SEPTIN6: variants seen among roughly 807,000 people sequenced by gnomAD.
SEPTIN6 encodes septin 6.
SEPTIN6 carries 8 observed loss-of-function variants against 33.6 expected under a neutral mutation model. That is an observed-to-expected ratio of 0.24 (90% CI 0.14 to 0.43). The LOEUF (loss-of-function observed/expected upper bound fraction) is 0.43. Among genes scored for constraint, SEPTIN6 ranks in the 20% least tolerant of loss-of-function variants. The pLI is 1.00. For missense variants in SEPTIN6, 250 were observed against 340.8 expected, an observed-to-expected ratio of 0.73 and a Z score of 2.10; for synonymous variants, 131 against 140.0, an observed-to-expected ratio of 0.94 and a Z score of 0.45.
chrX:119,682,460 C>T (rs187092285), intron 1 of SEPTIN6, among the ~76,000 whole-genome samples: 58 of 111,162 alleles, frequency 5.2e-4, no homozygotes, highest in Middle Eastern at 4.6e-3. Context: ...CTCCCCTCCC[C>T]AATTACATTT....
chrX:119,652,771 AT>A (rs1446278155), intron 4 of SEPTIN6, 82 bp downstream of exon 4: 2 of 834,599 alleles, frequency 2.4e-6, no homozygotes, highest in African/African-American at 4.1e-5. Context: ...GATGCCACAA[AT>A]CTCTCCCGGA....
intron 6 of SEPTIN6, among the ~76,000 whole-genome samples, chrX:119,637,635 A>G (rs1454859144): frequency 1.0e-5 from 1 of 98,436 alleles, no homozygotes; most frequent in Non-Finnish European, 2.1e-5. Context: ...CCATCCATCC[A>G]CTCATCCATC....
intron 1 of SEPTIN6, among the ~76,000 whole-genome samples, chrX:119,688,120 G>A (rs1238324036): frequency 8.9e-6 from 1 of 111,815 alleles, no homozygotes; most frequent in Non-Finnish European, 1.9e-5. Flanking sequence ...AAAAGTGGGT[G>A]AATTGGCAAA....
chrX:119,690,666 T>C (rs2055154935), intron 1 of SEPTIN6, among the ~76,000 whole-genome samples: 1 of 92,569 alleles, frequency 1.1e-5, no homozygotes, highest in Non-Finnish European at 2.0e-5. Flanking sequence ...GAGGTTGCAG[T>C]GAGCCGAGAT....
intron 1 of SEPTIN6, among the ~76,000 whole-genome samples, chrX:119,691,685 A>G (rs189273256): frequency 1.2e-3 from 136 of 112,691 alleles, no homozygotes; most frequent in Non-Finnish European, 2.4e-3. Flanking sequence ...TATTCTGTAG[A>G]GAAAATATTA....
chrX:119,654,700 CTT>C (rs111298829), intron 3 of SEPTIN6, among the ~76,000 whole-genome samples: 1 of 110,423 alleles, frequency 9.1e-6, no homozygotes, highest in African/African-American at 3.3e-5. Context: ...AGAGAAAAAT[CTT>C]TTTTTTTAAG....
In SEPTIN6 at chrX:119,618,033, G is replaced by A. The variant is rs1603316251; in HGVS notation, c.*2060C>T. 5.0e-6 allele frequency: 4 copies of A among 803,952 alleles called. No homozygotes were observed. Among genetic ancestry groups the A allele is most frequent in the African/African-American group, 2.2e-5 (1 of 45,475 alleles). 66.3% of individuals were successfully genotyped at this position (803,952 alleles called of 1,213,427 possible). On this transcript the variant is annotated 3_prime_UTR_variant, in exon 11 of 11. Coordinates refer to ENST00000394610, the MANE Select transcript of SEPTIN6 (RefSeq NM_145799.4). ...GTGGTTACCGGTTGGTTGTTTAAGCGTGAATTTCTGGGAAAGCAGCTCTGA... is the reference window on the plus strand; with the variant it reads ...GTGGTTACCGGTTGGTTGTTTAAGCATGAATTTCTGGGAAAGCAGCTCTGA...
intron 6 of SEPTIN6, 77 bp downstream of exon 6, chrX:119,640,615 A>G (rs1284686858): frequency 1.2e-6 from 1 of 833,718 alleles, no homozygotes; most frequent in Non-Finnish European, 1.8e-6. Flanking sequence ...GAAACTTGTC[A>G]TATAGTGGCT....
intron 3 of SEPTIN6, 94 bp downstream of exon 3, chrX:119,663,388 A>T (rs2054579301): frequency 2.6e-6 from 2 of 771,163 alleles, no homozygotes; most frequent in Admixed American, 6.0e-5. Context: ...CTTGGGCCCG[A>T]TATCTGTGCT....
chrX:119,684,482 G>GTTTTT (rs1199777223), intron 1 of SEPTIN6, among the ~76,000 whole-genome samples: 11 of 79,433 alleles, frequency 1.4e-4, no homozygotes, highest in East Asian at 4.6e-4. Flanking sequence ...GTTCCCAGAG[G>GTTTTT]TTTTTTTTTT....
At chrX:119,683,517 A>G (rs1290967532) in intron 1 of SEPTIN6, among the ~76,000 whole-genome samples, 1 of 112,601 alleles carries the variant, frequency 8.9e-6, no homozygotes, top group African/African-American at 3.2e-5. Context: ...GGAAATGCTC[A>G]CCAAAGGCAA....
At chrX:119,641,975 T>G (rs916298198) in intron 5 of SEPTIN6, among the ~76,000 whole-genome samples, 4 of 111,692 alleles carry the variant, frequency 3.6e-5, no homozygotes, top group African/African-American at 1.3e-4. Flanking sequence ...TGAGCTCCTA[T>G]GATATGTGCT....
At chrX:119,672,632 G>C (rs1042841991) in intron 2 of SEPTIN6, among the ~76,000 whole-genome samples, 1 of 112,447 alleles carries the variant, frequency 8.9e-6, no homozygotes, top group African/African-American at 3.2e-5. Flanking sequence ...AAGGGACTCT[G>C]ATATGTTTGT....
chrX:119,626,811 T>C (rs749569332), intron 9 of SEPTIN6, among the ~76,000 whole-genome samples: 46 of 110,586 alleles, frequency 4.2e-4, no homozygotes, highest in Middle Eastern at 4.6e-3. Context: ...CTTAGCCTCC[T>C]GAGTAGCTGG....
intron 8 of SEPTIN6, among the ~76,000 whole-genome samples, chrX:119,632,439 G>A (rs7054787): frequency 0.15 from 16,122 of 105,915 alleles, 2,044 homozygotes; most frequent in African/African-American, 0.42. Flanking sequence ...CTTGTGATCC[G>A]CCCGCCTTGG....
At chrX:119,651,274 T>C (rs1259484244) in intron 4 of SEPTIN6, among the ~76,000 whole-genome samples, 2 of 112,125 alleles carry the variant, frequency 1.8e-5, no homozygotes, top group Non-Finnish European at 3.8e-5. Flanking sequence ...GGCACCTCCC[T>C]TGAAGTCTTT....
chrX:119,624,974 G>T (rs1349780365), intron 10 of SEPTIN6, among the ~76,000 whole-genome samples: 2 of 111,474 alleles, frequency 1.8e-5, no homozygotes, highest in African/African-American at 3.3e-5. Flanking sequence ...GCCTACCAAA[G>T]TGCTGGGATT....
intron 9 of SEPTIN6, among the ~76,000 whole-genome samples, chrX:119,628,116 CTTTCT>C (rs1056948918): frequency 9.4e-6 from 1 of 106,173 alleles, no homozygotes; most frequent in Non-Finnish European, 1.9e-5. Flanking sequence ...TTGTTCCTCT[CTTTCT>C]TTTCTATTTT....
At chrX:119,689,028 C>T (rs748670588) in intron 1 of SEPTIN6, among the ~76,000 whole-genome samples, 363 of 111,398 alleles carry the variant, frequency 3.3e-3, no homozygotes, top group Non-Finnish European at 5.2e-3. Flanking sequence ...CTTTTCCCCA[C>T]CTGAAGACAG....
Sources: gnomAD v4.1 joint callset for allele counts (sites outside exome capture counted in the v4.1 genomes callset) on GRCh38, gnomAD v4.1.1 for gene constraint, MANE v1.5 for transcripts, NCBI Gene and HGNC (gene_info 2026-07-23, HGNC 2026-07-21) for gene names.